Variants in MORC1 observed in about 807,000 individuals in gnomAD.
MORC1 encodes the protein MORC family CW-type zinc finger protein 1.
Under a neutral mutation model 134.9 loss-of-function variants are expected in MORC1, and 59 were observed. That is an observed-to-expected ratio of 0.44 (90% CI 0.35 to 0.54). The LOEUF is 0.54. Ranked by LOEUF, MORC1 falls within the 20% of genes least tolerant of loss-of-function variation. MORC1 has a pLI of 0.00. For missense variants in MORC1, 947 were observed against 1,134.5 expected (o/e 0.83, Z 2.37); for synonymous variants, 395 against 391.7 (o/e 1.01, Z -0.10).
rs1241044540 is a variant in MORC1, at chr3:109,035,226, C to T, written c.1459+114G>A. On this transcript the variant is annotated intron_variant, in intron 15 of 27. Transcript: ENST00000232603. ...TAACTTTCTTCCAGACTGTAAACTC[C>T]TGGAAAGCAAGATGTCTTACCTTTG... 27 of 998,282 alleles carry T rather than the reference C, an allele frequency of 2.7e-5. 1 individual carries two copies. The South Asian group carries it at 4.4e-4, about 16-fold the overall frequency. The allele number at this position is 998,282 out of a possible 1,614,324, so 61.8% of individuals were successfully genotyped here.
At chr3:108,964,482 C>A (rs1018776240) in intron 26 of MORC1, among the ~76,000 whole-genome samples, 1 of 152,092 alleles carries the variant, frequency 6.6e-6, no homozygotes, top group Non-Finnish European at 1.5e-5. Context: ...CTTTTCAGAC[C>A]CTCCACTACG....
At position 109,005,126 on chromosome 3, in the gene MORC1, G is replaced by A. The variant is rs372913082; in HGVS notation, c.1957C>T (p.Gln653Ter). ...GGCAGAGCTACTGGAATTCTCTGCT[G>A]TTGAGAGTTCATTTTCTCCTCCATA... The part of the protein sequence containing the change: ...KSMEEKMNSQ[Q>*]QRIPVALPEN... The change falls in exon 19 of 28, where the codon CAG (glutamine) becomes TAG (stop). Residue 653 changes from glutamine (Q) to a stop codon, truncating the protein, a stop_gained. Transcript: ENST00000232603. LOFTEE classifies it high-confidence loss of function. 1 of 1,613,772 alleles carries A rather than the reference G, an allele frequency of 6.2e-7. No homozygotes were observed. The highest frequency in any genetic ancestry group is 8.5e-7 in the Non-Finnish European group (1 of 1,179,874).
Position 109,005,134 on chromosome 3 carries a change from TTCA to T in MORC1, c.1946_1948del (p.Met649del). The T allele has an allele frequency of 1.9e-6, 3 of 1,613,866 alleles. No homozygotes were observed. The highest frequency in any genetic ancestry group is 2.5e-6 in the Non-Finnish European group (3 of 1,179,906). On this transcript the variant is annotated inframe_deletion, in exon 19 of 28. Coordinates refer to ENST00000232603, the MANE Select transcript of MORC1 (RefSeq NM_014429.4). Reference sequence around the variant, plus strand: ...TACTGGAATTCTCTGCTGTTGAGAGTTCATTTTCTCCTCCATAGACTTTTTCAT... The same window carrying T: ...TACTGGAATTCTCTGCTGTTGAGAGTTTTTCTCCTCCATAGACTTTTTCAT...
At chr3:109,115,505 A>G (rs1951251793) in intron 1 of MORC1, among the ~76,000 whole-genome samples, 1 of 152,204 alleles carries the variant, frequency 6.6e-6, no homozygotes, top group South Asian at 2.1e-4. Context: ...CTTCACCCAA[A>G]AGAAAGCCAT....
intron 20 of MORC1, 76 bp downstream of exon 20, chr3:109,004,741 G>A (rs1948495771): frequency 2.2e-6 from 3 of 1,381,454 alleles, no homozygotes; most frequent in Admixed American, 2.0e-5. Context: ...AGCATTGAAT[G>A]CAAAACTTAA....
At chr3:108,981,190 T>G (rs1212576637) in intron 23 of MORC1, among the ~76,000 whole-genome samples, 2 of 152,152 alleles carry the variant, frequency 1.3e-5, no homozygotes, top group African/African-American at 4.8e-5. Context: ...GTTTTGTTTG[T>G]CAAGTAATAA....
chr3:109,101,973 G>A (rs1364486196), intron 4 of MORC1, among the ~76,000 whole-genome samples: 2 of 152,220 alleles, frequency 1.3e-5, no homozygotes, highest in Admixed American at 1.3e-4. Context: ...ACCCGGTTCT[G>A]AGCATGGGAA....
At chr3:109,043,586 T>C (rs1161644883) in intron 14 of MORC1, among the ~76,000 whole-genome samples, 1 of 151,834 alleles carries the variant, frequency 6.6e-6, no homozygotes, top group East Asian at 1.9e-4. Context: ...TATTTCATCA[T>C]AATGAAAAAA....
At chr3:109,059,146 GA>G (rs539656598) in intron 12 of MORC1, among the ~76,000 whole-genome samples, 12 of 152,032 alleles carry the variant, frequency 7.9e-5, no homozygotes, top group Non-Finnish European at 1.6e-4. Context: ...CATGGTTCAC[GA>G]AAAATAATGT....
intron 26 of MORC1, among the ~76,000 whole-genome samples, chr3:108,965,664 A>G (rs1283038351): frequency 1.3e-5 from 2 of 152,226 alleles, no homozygotes; most frequent in East Asian, 3.8e-4. Flanking sequence ...CTATACACAC[A>G]CATTTTACCA....
chr3:109,014,678 T>C (rs1410937722), intron 17 of MORC1, among the ~76,000 whole-genome samples: 1 of 152,212 alleles, frequency 6.6e-6, no homozygotes, highest in Non-Finnish European at 1.5e-5. Context: ...CTAGTTTTAT[T>C]GTAATGGATT....
At chr3:109,066,180 T>A (rs1051736252) in intron 9 of MORC1, among the ~76,000 whole-genome samples, 23 of 151,872 alleles carry the variant, frequency 1.5e-4, no homozygotes, top group Non-Finnish European at 2.2e-4. Context: ...AGTTGAAATT[T>A]AAAAAAAAGA....
intron 15 of MORC1, among the ~76,000 whole-genome samples, chr3:109,033,286 GAGGAAGGAAGGAAGGAAGGA>G (rs55742240): frequency 0.24 from 33,450 of 136,918 alleles, 4,874 homozygotes; most frequent in East Asian, 0.61. Context: ...AGCAAGAAAG[GAGGAAGGAAGGAAGGAAGGA>G]AGGAAGGAAG....
intron 8 of MORC1, among the ~76,000 whole-genome samples, chr3:109,080,014 T>C (rs1361561213): frequency 6.6e-6 from 1 of 152,182 alleles, no homozygotes; most frequent in Non-Finnish European, 1.5e-5. Context: ...ATAAATCACT[T>C]AATCTTCTCA....
intron 1 of MORC1, among the ~76,000 whole-genome samples, chr3:109,116,655 G>A (rs551462332): frequency 4.7e-4 from 71 of 152,210 alleles, no homozygotes; most frequent in Non-Finnish European, 8.5e-4. Context: ...GGGTGCATGC[G>A]TGTAGTCCCA....
chr3:109,021,270 G>T (rs1298403044), intron 17 of MORC1, among the ~76,000 whole-genome samples: 1 of 152,212 alleles, frequency 6.6e-6, no homozygotes, highest in African/African-American at 2.4e-5. Context: ...TGCTTAAGGA[G>T]TTTTTGTAGG....
At chr3:109,087,401 A>C (rs1950634734) in intron 8 of MORC1, among the ~76,000 whole-genome samples, 1 of 152,160 alleles carries the variant, frequency 6.6e-6, no homozygotes, top group Admixed American at 6.5e-5. Flanking sequence ...ATCAATGTAC[A>C]AAAGTCACTA....
At chr3:108,998,368 C>A (rs145446779) in intron 21 of MORC1, among the ~76,000 whole-genome samples, 1 of 152,294 alleles carries the variant, frequency 6.6e-6, no homozygotes, top group Non-Finnish European at 1.5e-5. Context: ...TACCATATTT[C>A]TTAGTTTCTT....
At chr3:108,996,566 G>GA (rs1948235706) in intron 21 of MORC1, among the ~76,000 whole-genome samples, 1 of 152,132 alleles carries the variant, frequency 6.6e-6, no homozygotes, top group Non-Finnish European at 1.5e-5. Context: ...TTAATCTCCA[G>GA]AAAATGCCTG....
Sources: gnomAD v4.1 joint callset for allele counts (sites outside exome capture counted in the v4.1 genomes callset) on GRCh38, gnomAD v4.1.1 for gene constraint, MANE v1.5 for transcripts, NCBI Gene and HGNC (gene_info 2026-07-23, HGNC 2026-07-21) for gene names.